The following PRKCZ variants were observed in gnomAD, a reference collection of about 807,000 sequenced individuals.
PRKCZ encodes the protein protein kinase C zeta.
Under a neutral mutation model 79.5 loss-of-function variants are expected in PRKCZ, and 33 were observed. The observed-to-expected ratio is 0.41, with a 90% CI of 0.31 to 0.55. PRKCZ has a LOEUF of 0.55. Ranked by LOEUF, PRKCZ falls within the 20% of genes least tolerant of loss-of-function variation. The probability of loss-of-function intolerance (pLI) is 0.19; values close to 1 mark genes in which losing one functional copy is unlikely to be tolerated. For synonymous variants in PRKCZ, 342 were observed against 320.9 expected (o/e 1.07, Z -0.70); for missense variants, 578 against 813.5 (o/e 0.71, Z 3.52).
chr1:2,051,250 G>T (rs1471875799), intron 1 of PRKCZ, among the ~76,000 whole-genome samples: 1 of 152,160 alleles, frequency 6.6e-6, no homozygotes, highest in Non-Finnish European at 1.5e-5. Flanking sequence ...TGGGGTTTGC[G>T]TCGCACCCGC....
At chr1:2,140,419 G>C (rs1390052551) in intron 5 of PRKCZ, among the ~76,000 whole-genome samples, 1 of 152,172 alleles carries the variant, frequency 6.6e-6, no homozygotes, top group African/African-American at 2.4e-5. Flanking sequence ...TTGGGAGGCC[G>C]AGGCAGGCGG....
intron 4 of PRKCZ, among the ~76,000 whole-genome samples, chr1:2,096,435 C>T (rs935719580): frequency 6.6e-6 from 1 of 152,048 alleles, no homozygotes. Flanking sequence ...CAGAGTTTCC[C>T]CAGTTGGTGG....
intron 4 of PRKCZ, among the ~76,000 whole-genome samples, chr1:2,067,277 C>T (rs28626100): frequency 0.044 from 6,769 of 152,246 alleles, 534 homozygotes; most frequent in East Asian, 0.35. Flanking sequence ...CAGAGCTATG[C>T]GGGTTACTGT....
chr1:2,110,849 G>A (rs898576931), intron 4 of PRKCZ, among the ~76,000 whole-genome samples: 1 of 152,066 alleles, frequency 6.6e-6, no homozygotes, highest in African/African-American at 2.4e-5. Flanking sequence ...TGTAGGGGCT[G>A]GTGACAGTGG....
intron 4 of PRKCZ, among the ~76,000 whole-genome samples, chr1:2,121,990 C>T (rs377546006): frequency 0.014 from 13 of 944 alleles, 3 homozygotes; most frequent in Admixed American, 0.042. Context: ...AGGGTCACGG[C>T]GGTGGTTAGG....
intron 4 of PRKCZ, among the ~76,000 whole-genome samples, chr1:2,090,172 A>G (rs1665243663): frequency 6.6e-6 from 1 of 152,190 alleles, no homozygotes; most frequent in Non-Finnish European, 1.5e-5. Flanking sequence ...CTATGTGTAA[A>G]TAAGGGCATG....
At position 2,182,573 on chromosome 1, in the gene PRKCZ, G is replaced by A. The variant is rs543320844; in HGVS notation, c.1576-2010G>A. On this transcript the variant is annotated intron_variant, in intron 16 of 17. Coordinates refer to ENST00000378567, the MANE Select transcript of PRKCZ (RefSeq NM_002744.6). ...GCTGGGTGCCCTGTGATCCACCCGC[G>A]AGCTGGGCTGTTCGGCTTGGTCTGC... is the stretch of plus-strand genomic sequence containing the variant. The A allele has an allele frequency of 3.9e-5, 6 of 154,812 alleles. No homozygotes were observed. The East Asian group carries it at 5.9e-4, about 15-fold the overall frequency. 9.6% of individuals were successfully genotyped at this position (154,812 alleles called of 1,614,324 possible).
At chr1:2,074,056 C>T (rs1034155700) in intron 4 of PRKCZ, 23 of 1,449,222 alleles carry the variant, frequency 1.6e-5, no homozygotes, top group South Asian at 1.0e-4. Context: ...CCGGCGTTGC[C>T]GCTGCCTGTG....
intron 4 of PRKCZ, chr1:2,133,794 A>C (rs1675560173): frequency 6.6e-6 from 1 of 152,426 alleles, no homozygotes; most frequent in Admixed American, 6.5e-5. Flanking sequence ...GGGCAGGCAG[A>C]GCATCCCCCG....
chr1:2,136,112 G>A (rs1045790236), intron 5 of PRKCZ, among the ~76,000 whole-genome samples: 5 of 152,132 alleles, frequency 3.3e-5, no homozygotes, highest in African/African-American at 4.8e-5. Flanking sequence ...CACCTGCCAC[G>A]TGGCCTCACG....
chr1:2,077,613 C>T (rs575925317), intron 4 of PRKCZ, among the ~76,000 whole-genome samples: 1 of 152,168 alleles, frequency 6.6e-6, no homozygotes, highest in East Asian at 1.9e-4. Context: ...TCCATATTTT[C>T]TATTGTAAGG....
chr1:2,139,439 A>G (rs1426599110), intron 5 of PRKCZ, among the ~76,000 whole-genome samples: 2 of 152,014 alleles, frequency 1.3e-5, no homozygotes, highest in Admixed American at 1.3e-4. Context: ...AATACAAAAA[A>G]AGTAGCCAGG....
chr1:2,114,028 G>T (rs886797851), intron 4 of PRKCZ, among the ~76,000 whole-genome samples: 2 of 152,180 alleles, frequency 1.3e-5, no homozygotes, highest in Non-Finnish European at 2.9e-5. Context: ...GCGCCATGTT[G>T]TGTGTGTGGT....
intron 2 of PRKCZ, chr1:2,055,780 C>T (rs768587732): frequency 1.6e-6 from 1 of 626,436 alleles, no homozygotes; most frequent in Non-Finnish European, 2.6e-6. Flanking sequence ...AGGAAGGGCT[C>T]TGGTCTTGAA....
intron 11 of PRKCZ, among the ~76,000 whole-genome samples, chr1:2,171,059 G>A (rs2100298473): frequency 6.6e-6 from 1 of 152,266 alleles, no homozygotes; most frequent in South Asian, 2.1e-4. Flanking sequence ...GGCCGGGCGT[G>A]GTGGCTCACG....
chr1:2,128,463 T>C lies in PRKCZ; in HGVS notation c.335-6799T>C, dbSNP rs75615773. On this transcript the variant is annotated intron_variant, in intron 4 of 17. Coordinates refer to ENST00000378567, the MANE Select transcript of PRKCZ (RefSeq NM_002744.6). This position sits in a 1 kb window ranked among gnomAD's most constrained non-coding sequence, Gnocchi z 6.5. ...TGTTTTAAAACGTGTTTTCTACGTC[T>C]TGTCAGAGTGCTCAAGGCGCGAGAT... 0.014 allele frequency among the ~76,000 whole-genome samples: 2,143 copies of C among 152,332 alleles called. 41 individuals are homozygous for C. The highest frequency in any genetic ancestry group is 0.049 in the African/African-American group (2,032 of 41,574).
intron 4 of PRKCZ, among the ~76,000 whole-genome samples, chr1:2,108,525 G>A (rs1263561229): frequency 6.6e-6 from 1 of 152,246 alleles, no homozygotes; most frequent in South Asian, 2.1e-4. Context: ...TGGCTGCGAG[G>A]AGGAGGTTGG....
chr1:2,118,407 C>T (rs1671181099), intron 4 of PRKCZ, among the ~76,000 whole-genome samples: 1 of 151,030 alleles, frequency 6.6e-6, no homozygotes, highest in Non-Finnish European at 1.5e-5. Flanking sequence ...GCACCATCTC[C>T]ACTCACTGCA....
At chr1:2,050,920 G>A (rs1659580033) in intron 1 of PRKCZ, 1 of 370,628 alleles carries the variant, frequency 2.7e-6, no homozygotes, top group Non-Finnish European at 4.8e-6. Context: ...GGGTTTCCCT[G>A]GGGTCGGCCC....
Sources: allele counts gnomAD v4.1 joint callset (sites outside exome capture counted in the v4.1 genomes callset), GRCh38; gene constraint gnomAD v4.1.1; non-coding constraint Gnocchi (gnomAD v3.1); transcripts MANE v1.5; gene names NCBI Gene and HGNC (gene_info 2026-07-23, HGNC 2026-07-21).